The following ENPP2 variants were observed in gnomAD, a reference collection of about 807,000 sequenced individuals.
ENPP2 encodes the protein autotaxin.
Under a neutral mutation model 120.2 loss-of-function variants are expected in ENPP2, and 51 were observed. The ratio of observed to expected loss-of-function variants is 0.42; its 90% CI spans 0.34 to 0.54. The LOEUF (loss-of-function observed/expected upper bound fraction) is 0.54, where lower values mean the gene tolerates loss of function less well. ENPP2 is among the 20% of genes least tolerant of loss of function. The pLI is 0.04. For synonymous variants in ENPP2, 365 were observed against 366.4 expected (o/e 1.00, Z 0.04); for missense variants, 920 against 1,066.5 (o/e 0.86, Z 1.91).
At chr8:119,621,006 A>G (rs1815855308) in intron 4 of ENPP2, among the ~76,000 whole-genome samples, 1 of 151,812 alleles carries the variant, frequency 6.6e-6, no homozygotes, top group African/African-American at 2.4e-5. Flanking sequence ...GTCTCTCCAC[A>G]CTCCTCCTTC....
At chr8:119,579,647 G>A (rs1035478385) in intron 19 of ENPP2, among the ~76,000 whole-genome samples, 2 of 151,970 alleles carry the variant, frequency 1.3e-5, no homozygotes, top group East Asian at 1.9e-4. Context: ...GTAAGAGTTA[G>A]GGCTTGAGAT....
intron 1 of ENPP2, among the ~76,000 whole-genome samples, chr8:119,646,460 G>A (rs1191499513): frequency 6.6e-6 from 1 of 152,142 alleles, no homozygotes; most frequent in Non-Finnish European, 1.5e-5. Context: ...AACTCCACCA[G>A]GTGCTTCTGA....
chr8:119,650,513 C>T (rs932407325), intron 1 of ENPP2, among the ~76,000 whole-genome samples: 1 of 151,944 alleles, frequency 6.6e-6, no homozygotes, highest in Non-Finnish European at 1.5e-5. Flanking sequence ...AAAAAAGAAC[C>T]GAGATTATAC....
At chr8:119,596,798 C>T (rs1215881419) in intron 11 of ENPP2, among the ~76,000 whole-genome samples, 2 of 152,126 alleles carry the variant, frequency 1.3e-5, no homozygotes, top group Non-Finnish European at 2.9e-5. Context: ...CTATCAGAAA[C>T]CTGCTTTTAA....
intron 2 of ENPP2, among the ~76,000 whole-genome samples, chr8:119,630,880 AT>A (rs562679999): frequency 1.3e-4 from 20 of 151,624 alleles, no homozygotes; most frequent in Non-Finnish European, 2.5e-4. Flanking sequence ...TTGAGCTGCT[AT>A]CTCTTTTTTT....
At chr8:119,563,735 T>A (rs1177049691) in intron 23 of ENPP2, among the ~76,000 whole-genome samples, 11 of 152,236 alleles carry the variant, frequency 7.2e-5, no homozygotes, top group African/African-American at 2.6e-4. Context: ...TAACTACTAA[T>A]TTAATTTTGG....
At chr8:119,671,053 G>A (rs1051757304) in intron 1 of ENPP2, among the ~76,000 whole-genome samples, 6 of 150,814 alleles carry the variant, frequency 4.0e-5, no homozygotes, top group Middle Eastern at 3.4e-3. Context: ...TTGGGAGGCC[G>A]AGGCAGGCAG....
intron 8 of ENPP2, among the ~76,000 whole-genome samples, chr8:119,609,857 T>C (rs562558119): frequency 1.5e-4 from 23 of 152,304 alleles, no homozygotes; most frequent in Admixed American, 3.3e-4. Context: ...TGGAGTTTCC[T>C]AAAGGAAAAC....
intron 13 of ENPP2, among the ~76,000 whole-genome samples, chr8:119,588,556 C>G (rs1813282322): frequency 7.0e-6 from 1 of 142,542 alleles, no homozygotes; most frequent in Non-Finnish European, 1.5e-5. Flanking sequence ...AAAAAAAGAG[C>G]TTTGCAGGCA....
chr8:119,566,813 T>C (rs771061107), intron 22 of ENPP2, among the ~76,000 whole-genome samples: 10 of 152,244 alleles, frequency 6.6e-5, no homozygotes, highest in Non-Finnish European at 1.5e-4. Flanking sequence ...TGTAATATTG[T>C]GATAAATGTA....
At chr8:119,602,393 G>T (rs1166010094) in intron 9 of ENPP2, among the ~76,000 whole-genome samples, 1 of 150,878 alleles carries the variant, frequency 6.6e-6, no homozygotes, top group Admixed American at 6.6e-5. Flanking sequence ...GGAGGCAGAG[G>T]TTGCAGTGAG....
At chr8:119,590,274 C>T (rs1445863068) in intron 13 of ENPP2, among the ~76,000 whole-genome samples, 1 of 152,176 alleles carries the variant, frequency 6.6e-6, no homozygotes, top group Admixed American at 6.5e-5. Flanking sequence ...AGGAACCACT[C>T]TAAGCAATAT....
intron 1 of ENPP2, among the ~76,000 whole-genome samples, chr8:119,651,712 T>A (rs1209105235): frequency 4.6e-5 from 7 of 152,158 alleles, no homozygotes; most frequent in Non-Finnish European, 7.4e-5. Flanking sequence ...GACCTTCTTG[T>A]GACCCCCAAA....
intron 2 of ENPP2, among the ~76,000 whole-genome samples, chr8:119,632,797 C>T (rs1340781053): frequency 2.0e-5 from 3 of 152,180 alleles, no homozygotes; most frequent in East Asian, 3.9e-4. Context: ...CGGCCGGGCA[C>T]GGTGGCTCAC....
intron 3 of ENPP2, among the ~76,000 whole-genome samples, chr8:119,622,056 G>A (rs1327049026): frequency 2.0e-5 from 3 of 152,130 alleles, no homozygotes; most frequent in Non-Finnish European, 2.9e-5. Context: ...AGCCTCCTGA[G>A]TAGCTGGGAT....
At chr8:119,585,849 G>A (rs962702764) in intron 15 of ENPP2, among the ~76,000 whole-genome samples, 13 of 151,290 alleles carry the variant, frequency 8.6e-5, no homozygotes, top group African/African-American at 3.2e-4. Flanking sequence ...AATATACTAA[G>A]GCAAGCTCCC....
chr8:119,607,957 C>T lies in ENPP2; in HGVS notation c.798G>A (p.Lys266=), dbSNP rs778302133. 4.9e-5 allele frequency: 79 copies of T among 1,610,660 alleles called. No homozygotes were observed. Among genetic ancestry groups the T allele is most frequent in the South Asian group, 8.8e-5 (8 of 90,410 alleles). ...AGAATGTTCCAGCTTTCACCCCTTG[C>T]TTGGTGGCTGTAATCCATAGCTAAT... is the stretch of plus-strand genomic sequence containing the variant. ...GGQPLWITAT[K]QGVKAGTFFW... The change falls in exon 9 of 25, where the codon AAG becomes AAA. Residue 266 remains lysine, a synonymous_variant. Transcript: ENST00000075322.
At chr8:119,618,693 A>AT (rs1296978732) in intron 5 of ENPP2, among the ~76,000 whole-genome samples, 3 of 150,962 alleles carry the variant, frequency 2.0e-5, no homozygotes, top group Admixed American at 6.6e-5. Context: ...GCGCTGGCTA[A>AT]TTTTTTTTGT....
At chr8:119,607,674 C>T (rs963356259) in intron 9 of ENPP2, among the ~76,000 whole-genome samples, 7 of 98,676 alleles carry the variant, frequency 7.1e-5, no homozygotes, top group African/African-American at 2.4e-4. Flanking sequence ...GACTCCATCT[C>T]AAAAAAAAAA....
Sources: gnomAD v4.1 joint callset for allele counts (sites outside exome capture counted in the v4.1 genomes callset) on GRCh38, gnomAD v4.1.1 for gene constraint, MANE v1.5 for transcripts, NCBI Gene and HGNC (gene_info 2026-07-23, HGNC 2026-07-21) for gene names.